Variants in KIRREL1 observed in about 807,000 individuals in gnomAD.
KIRREL1 encodes the protein kin of IRRE-like protein 1.
Under a neutral mutation model 83.3 loss-of-function variants are expected in KIRREL1, and 25 were observed. The ratio of observed to expected loss-of-function variants is 0.30; its 90% CI spans 0.22 to 0.42. The LOEUF (loss-of-function observed/expected upper bound fraction) is 0.42. KIRREL1 is among the 10% of genes least tolerant of loss of function. The pLI is 1.00. For synonymous variants in KIRREL1, 388 were observed against 410.4 expected (o/e 0.95, Z 0.66); for missense variants, 812 against 1,032.3 (o/e 0.79, Z 2.92).
intron 13 of KIRREL1, among the ~76,000 whole-genome samples, chr1:158,093,964 G>T (rs1662280591): frequency 6.6e-6 from 1 of 152,216 alleles, no homozygotes; most frequent in African/African-American, 2.4e-5. Context: ...TAGGCAGCTG[G>T]GATTGTCCAA....
Position 158,000,067 on chromosome 1 carries a change from GT to G in KIRREL1, c.52+6340del, listed in dbSNP as rs773205138. On this transcript the variant is annotated intron_variant, in intron 1 of 14. Coordinates refer to ENST00000359209, the MANE Select transcript of KIRREL1 (RefSeq NM_018240.7). ...CTAGAACCCAAGCAGGAAAGATGGG[GT>G]GGGGGCTGAGGATAATTCCTAGAAG... Among the ~76,000 whole-genome samples the G allele has an allele frequency of 1.2e-3, 185 of 151,290 alleles. 3 individuals carry two copies. Among genetic ancestry groups the G allele is most frequent in the African/African-American group, 4.1e-3 (170 of 41,428 alleles).
chr1:158,015,982 A>G (rs1014747783), intron 1 of KIRREL1, among the ~76,000 whole-genome samples: 1 of 152,210 alleles, frequency 6.6e-6, no homozygotes, highest in African/African-American at 2.4e-5. Flanking sequence ...GTTAAGATCT[A>G]TAAAACATAG....
At chr1:158,040,016 A>G (rs1289363758) in intron 1 of KIRREL1, among the ~76,000 whole-genome samples, 1 of 152,208 alleles carries the variant, frequency 6.6e-6, no homozygotes, top group Non-Finnish European at 1.5e-5. Context: ...GAGAGAGTTG[A>G]TGCACAAGGG....
intron 3 of KIRREL1, among the ~76,000 whole-genome samples, chr1:158,078,844 C>T (rs897771640): frequency 1.3e-4 from 20 of 152,122 alleles, no homozygotes; most frequent in African/African-American, 3.9e-4. Context: ...ACTGGGGGAC[C>T]GAGCAGATGT....
At chr1:158,038,746 C>T (rs774418696) in intron 1 of KIRREL1, among the ~76,000 whole-genome samples, 2 of 152,122 alleles carry the variant, frequency 1.3e-5, no homozygotes, top group Non-Finnish European at 2.9e-5. Flanking sequence ...TCTGAGGAGA[C>T]GTGAAAAATT....
chr1:158,080,301 A>G (rs1360068315), intron 3 of KIRREL1, among the ~76,000 whole-genome samples: 1 of 152,224 alleles, frequency 6.6e-6, no homozygotes, highest in Non-Finnish European at 1.5e-5. Context: ...GAGAGAGATG[A>G]AGAAAGGCCA....
At chr1:158,050,378 G>C (rs1660879772) in intron 1 of KIRREL1, among the ~76,000 whole-genome samples, 1 of 151,836 alleles carries the variant, frequency 6.6e-6, no homozygotes, top group South Asian at 2.1e-4. Flanking sequence ...AATTCCCCAA[G>C]GTCACACAGC....
intron 1 of KIRREL1, 34 bp downstream of exon 1, chr1:157,993,762 C>T (rs766391351): frequency 5.0e-6 from 7 of 1,409,272 alleles, no homozygotes; most frequent in Admixed American, 5.2e-5. Flanking sequence ...GGACGCTCGG[C>T]TTCCCCCCGG....
At chr1:158,089,655 G>C (rs541325906) in intron 9 of KIRREL1, 27 bp downstream of exon 9, 14 of 1,613,294 alleles carry the variant, frequency 8.7e-6, no homozygotes, top group Middle Eastern at 1.7e-4. Context: ...AGAGGCAGCC[G>C]GGCCTGGGCG....
intron 1 of KIRREL1, among the ~76,000 whole-genome samples, chr1:158,066,408 C>A (rs1661360100): frequency 6.6e-6 from 1 of 152,214 alleles, no homozygotes; most frequent in Non-Finnish European, 1.5e-5. Flanking sequence ...TCTTTAACAG[C>A]CTCTTGCTTA....
chr1:158,018,785 C>G (rs762841310), intron 1 of KIRREL1, among the ~76,000 whole-genome samples: 2 of 152,268 alleles, frequency 1.3e-5, no homozygotes, highest in South Asian at 2.1e-4. Flanking sequence ...GTTTGAGAAC[C>G]ATTTGTGGCA....
At chr1:157,994,559 G>A (rs1659138503) in intron 1 of KIRREL1, among the ~76,000 whole-genome samples, 1 of 151,986 alleles carries the variant, frequency 6.6e-6, no homozygotes, top group African/African-American at 2.4e-5. Context: ...TCCTGGGCAG[G>A]GCTGGGGTTG....
rs1298093266 is a variant in KIRREL1, at chr1:158,093,382, G to A, written c.1515G>A (p.Ala505=). The change falls in exon 12 of 15, where the codon GCG becomes GCA. Residue 505 remains alanine, a synonymous_variant. Coordinates refer to ENST00000359209, the MANE Select transcript of KIRREL1 (RefSeq NM_018240.7). Reference sequence around the variant, plus strand: ...TCATAGCTGGGGCCACCATCGGCGCGAGCATCCTGCTCATCTTCTTCTTCA... The same window carrying A: ...TCATAGCTGGGGCCACCATCGGCGCAAGCATCCTGCTCATCTTCTTCTTCA... ...VGIIAGATIG[A]SILLIFFFIA... is the part of the protein sequence containing the mutation. 7 of 1,614,104 alleles carry A rather than the reference G, an allele frequency of 4.3e-6. No individual in the cohort carries two copies. The highest frequency in any genetic ancestry group is 2.2e-5 in the East Asian group (1 of 44,890).
intron 1 of KIRREL1, among the ~76,000 whole-genome samples, chr1:158,041,458 G>A (rs1023725089): frequency 1.3e-5 from 2 of 152,162 alleles, no homozygotes; most frequent in Non-Finnish European, 2.9e-5. Flanking sequence ...TAAGGATTAA[G>A]GGAGAGGAAG....
chr1:158,087,058 G>T (rs900425383), intron 5 of KIRREL1, among the ~76,000 whole-genome samples: 1 of 152,124 alleles, frequency 6.6e-6, no homozygotes, highest in African/African-American at 2.4e-5. Context: ...CTGGCCTACA[G>T]TCCCTTATTC....
At position 158,095,874 on chromosome 1, in the gene KIRREL1, C is replaced by T. The variant is rs983918581; in HGVS notation, c.*754C>T. Reference sequence around the variant, plus strand: ...CAGGGTCCTGGTGGAGAAAGAAAGGCTAGGACCATGTCCTCATTGACCCAG... The same window carrying T: ...CAGGGTCCTGGTGGAGAAAGAAAGGTTAGGACCATGTCCTCATTGACCCAG... On this transcript the variant is annotated 3_prime_UTR_variant, in exon 15 of 15. Coordinates refer to ENST00000359209, the MANE Select transcript of KIRREL1 (RefSeq NM_018240.7). The T allele has an allele frequency of 6.6e-6, 1 of 152,428 alleles. No homozygotes were observed. The highest frequency in any genetic ancestry group is 1.5e-5 in the Non-Finnish European group (1 of 68,276). 9.4% of individuals were successfully genotyped at this position (152,428 alleles called of 1,614,324 possible).
intron 1 of KIRREL1, among the ~76,000 whole-genome samples, chr1:158,029,644 TATAGG>T (rs1660269185): frequency 6.6e-6 from 1 of 152,116 alleles, no homozygotes. Flanking sequence ...GCACCTGTAA[TATAGG>T]AGAGAGAGAG....
chr1:158,091,365 C>T lies in KIRREL1; in HGVS notation c.1280C>T (p.Ala427Val). ...CTTCCCTCTCCACCACAGGCATGGG[C>T]CTGGAAGGAGAACTTCTTGGAGGTG... Reference protein sequence around the residue: ...STPPPDRIAWAWKENFLEVGT... With the variant: ...STPPPDRIAWVWKENFLEVGT... The change falls in exon 11 of 15, where the codon GCC (alanine) becomes GTC (valine). Residue 427 changes from alanine to valine, a missense_variant. This residue lies in a region of KIRREL1 where 472 missense variants were observed against 626.8 expected (regional missense o/e 0.75). Transcript: ENST00000359209. The T allele has an allele frequency of 1.2e-6, 2 of 1,613,798 alleles. No homozygotes were observed. Among genetic ancestry groups the T allele is most frequent in the Non-Finnish European group, 1.7e-6 (2 of 1,179,888 alleles).
At chr1:158,073,553 T>C (rs905975897) in intron 1 of KIRREL1, among the ~76,000 whole-genome samples, 7 of 152,226 alleles carry the variant, frequency 4.6e-5, no homozygotes, top group African/African-American at 1.2e-4. Flanking sequence ...AGCAAATAAC[T>C]TGGCCAAGGT....
Sources: gnomAD v4.1 joint callset for allele counts (sites outside exome capture counted in the v4.1 genomes callset) on GRCh38, gnomAD v4.1.1 for gene constraint, gnomAD v4.1.1 regional missense constraint, MANE v1.5 for transcripts, NCBI Gene and HGNC (gene_info 2026-07-23, HGNC 2026-07-21) for gene names.